The following PDE11A variants were observed in gnomAD, a reference collection of about 807,000 sequenced individuals.
The protein encoded by PDE11A is dual 3',5'-cyclic-AMP and -GMP phosphodiesterase 11A.
In PDE11A, 100 loss-of-function variants were observed where a neutral mutation model predicts 100.5. That is an observed-to-expected ratio of 1.00 (90% confidence interval 0.85 to 1.18). The LOEUF is 1.18. Ranked by LOEUF, PDE11A falls within the 50% of genes most tolerant of loss-of-function variation. PDE11A has a pLI of 0.00. For synonymous variants in PDE11A, 381 were observed against 420.8 expected (o/e 0.91, Z 1.16); for missense variants, 1,141 against 1,152.6 (o/e 0.99, Z 0.15).
At chr2:178,065,835 A>T (rs2087036210) in intron 1 of PDE11A, among the ~76,000 whole-genome samples, 1 of 152,170 alleles carries the variant, frequency 6.6e-6, no homozygotes, top group African/African-American at 2.4e-5. Flanking sequence ...TGAATTTTCT[A>T]GACACCCAAA....
Position 177,913,713 on chromosome 2 carries a change from A to G in PDE11A, c.1072-8526T>C, listed in dbSNP as rs144069730. On this transcript the variant is annotated intron_variant, in intron 2 of 19. Transcript: ENST00000286063. The stretch of plus-strand genomic sequence containing the variant: ...CTTGGAAATCTTTACATGTTAATTC[A>G]AAGAGAACTTACTTCATTCATCTTA... 1.7e-4 allele frequency among the ~76,000 whole-genome samples: 26 copies of G among 152,210 alleles called. No homozygotes were observed. The East Asian group carries it at 4.2e-3, about 25-fold the overall frequency.
chr2:177,855,276 G>T (rs2105657918), intron 5 of PDE11A, among the ~76,000 whole-genome samples: 2 of 152,106 alleles, frequency 1.3e-5, no homozygotes, highest in Middle Eastern at 6.8e-3. Context: ...AGAAATAAAA[G>T]AAAAAGTAAA....
At chr2:177,672,846 T>C (rs1376796699) in intron 17 of PDE11A, among the ~76,000 whole-genome samples, 1 of 152,202 alleles carries the variant, frequency 6.6e-6, no homozygotes, top group Non-Finnish European at 1.5e-5. Context: ...CGATACACTT[T>C]GACGAAGTTT....
intron 1 of PDE11A, among the ~76,000 whole-genome samples, chr2:178,107,718 T>G (rs1559073928): frequency 6.7e-6 from 1 of 149,014 alleles, no homozygotes; most frequent in African/African-American, 2.5e-5. Context: ...TTCCTTTTTT[T>G]TTCTTTTTTT....
chr2:177,886,427 C>CT (rs1355431805), intron 4 of PDE11A, among the ~76,000 whole-genome samples: 2 of 152,172 alleles, frequency 1.3e-5, no homozygotes, highest in Non-Finnish European at 2.9e-5. Context: ...CAGTTTACAC[C>CT]TGAGTGCCTA....
At chr2:177,750,059 C>T (rs1157380744) in intron 10 of PDE11A, among the ~76,000 whole-genome samples, 2 of 152,200 alleles carry the variant, frequency 1.3e-5, no homozygotes, top group African/African-American at 4.8e-5. Flanking sequence ...CACTGACTAC[C>T]CGTTTTTATT....
At chr2:177,663,359 T>C (rs1033108810) in intron 19 of PDE11A, among the ~76,000 whole-genome samples, 9 of 150,486 alleles carry the variant, frequency 6.0e-5, no homozygotes, top group Non-Finnish European at 1.3e-4. Flanking sequence ...CAAAACCCCC[T>C]GTATCAGACC....
At chr2:177,736,120 T>C (rs2081776368) in intron 10 of PDE11A, among the ~76,000 whole-genome samples, 1 of 152,206 alleles carries the variant, frequency 6.6e-6, no homozygotes, top group Admixed American at 6.5e-5. Flanking sequence ...AGTGGGGTTC[T>C]GGGTCTAATG....
intron 2 of PDE11A, among the ~76,000 whole-genome samples, chr2:177,914,143 G>T (rs1352080482): frequency 6.6e-6 from 1 of 152,022 alleles, no homozygotes; most frequent in Non-Finnish European, 1.5e-5. Context: ...TTCATAATTT[G>T]TTGGTTGTCT....
chr2:177,646,133 G>A (rs16865494), intron 19 of PDE11A, among the ~76,000 whole-genome samples: 3,646 of 152,186 alleles, frequency 0.024, 132 homozygotes, highest in African/African-American at 0.082. Flanking sequence ...CATAATATAG[G>A]GCAAGAGTCT....
intron 15 of PDE11A, chr2:177,687,225 T>G (rs1051395175): frequency 5.9e-5 from 9 of 152,220 alleles, no homozygotes; most frequent in African/African-American, 1.9e-4. Context: ...CCTCCCTGCC[T>G]AGAAGTAAGT....
At chr2:177,786,354 A>C (rs1230081352) in intron 9 of PDE11A, among the ~76,000 whole-genome samples, 3 of 152,202 alleles carry the variant, frequency 2.0e-5, no homozygotes, top group East Asian at 3.9e-4. Context: ...AAACTAACAA[A>C]CAGAAAGGAC....
intron 13 of PDE11A, among the ~76,000 whole-genome samples, chr2:177,710,738 T>C (rs537752967): frequency 8.5e-5 from 13 of 152,268 alleles, no homozygotes; most frequent in Admixed American, 7.8e-4. Context: ...ATTCATCTGC[T>C]AGATCAGGAG....
chr2:178,064,683 G>A (rs1218837736), intron 1 of PDE11A, among the ~76,000 whole-genome samples: 1 of 151,710 alleles, frequency 6.6e-6, no homozygotes, highest in Non-Finnish European at 1.5e-5. Context: ...ACCCTGCCGG[G>A]CTCAGTGGCA....
intron 17 of PDE11A, among the ~76,000 whole-genome samples, chr2:177,671,067 G>T (rs2080672324): frequency 6.6e-6 from 1 of 152,104 alleles, no homozygotes; most frequent in Non-Finnish European, 1.5e-5. Context: ...TCCCCTAAGG[G>T]TATGACCTCA....
chr2:178,052,434 T>C (rs1051104853), intron 1 of PDE11A, among the ~76,000 whole-genome samples: 4 of 152,106 alleles, frequency 2.6e-5, no homozygotes, highest in African/African-American at 9.7e-5. Flanking sequence ...ATTGACCCCC[T>C]AACATCACAA....
At chr2:178,093,998 T>C (rs897272162) in intron 2 of PDE11A, among the ~76,000 whole-genome samples, 6 of 152,158 alleles carry the variant, frequency 3.9e-5, no homozygotes, top group Non-Finnish European at 8.8e-5. Context: ...ATGTTATCGC[T>C]AATATAACTA....
chr2:177,979,998 T>A (rs1006540006), intron 2 of PDE11A, among the ~76,000 whole-genome samples: 1 of 150,550 alleles, frequency 6.6e-6, no homozygotes, highest in African/African-American at 2.4e-5. Context: ...AATATCAAGA[T>A]TATCTTAATC....
intron 4 of PDE11A, among the ~76,000 whole-genome samples, chr2:177,879,286 A>G (rs1163970420): frequency 6.6e-6 from 1 of 152,240 alleles, no homozygotes; most frequent in Admixed American, 6.5e-5. Flanking sequence ...TAGCAATCTT[A>G]TGCTGGCATT....
Sources: gnomAD v4.1 joint callset for allele counts (sites outside exome capture counted in the v4.1 genomes callset) on GRCh38, gnomAD v4.1.1 for gene constraint, MANE v1.5 for transcripts, NCBI Gene and HGNC (gene_info 2026-07-23, HGNC 2026-07-21) for gene names.